Variants in KCNIP4 observed in about 807,000 individuals in gnomAD.
KCNIP4 encodes the protein potassium voltage-gated channel interacting protein 4, also known as Kv channel-interacting protein 4.
In KCNIP4, 12 loss-of-function variants were observed where a neutral mutation model predicts 34.0. The observed-to-expected ratio is 0.35, with a 90% confidence interval of 0.23 to 0.57. The LOEUF is 0.57. Ranked by LOEUF, KCNIP4 falls within the 20% of genes least tolerant of loss-of-function variation. The pLI, the probability that KCNIP4 is intolerant of heterozygous loss-of-function variation, is 0.83. For missense variants in KCNIP4, 238 were observed against 311.7 expected, an observed-to-expected ratio of 0.76 and a Z score of 1.78; for synonymous variants, 124 against 102.2, an observed-to-expected ratio of 1.21 and a Z score of -1.29.
At chr4:21,924,569 C>T (rs1729127732) in intron 1 of KCNIP4, among the ~76,000 whole-genome samples, 1 of 152,060 alleles carries the variant, frequency 6.6e-6, no homozygotes, top group African/African-American at 2.4e-5. Context: ...AATTCAGCCA[C>T]ATGGTCTTTG....
chr4:21,343,668 G>C (rs533231901), intron 1 of KCNIP4, among the ~76,000 whole-genome samples: 1 of 152,130 alleles, frequency 6.6e-6, no homozygotes, highest in East Asian at 1.9e-4. Context: ...AATTACCTAG[G>C]AATCACAAAA....
intron 1 of KCNIP4, among the ~76,000 whole-genome samples, chr4:21,736,929 A>C (rs1716030988): frequency 6.6e-6 from 1 of 152,196 alleles, no homozygotes; most frequent in African/African-American, 2.4e-5. Flanking sequence ...GATTTTAATT[A>C]AGATTGTATC....
chr4:21,663,668 G>C (rs895168363), intron 1 of KCNIP4, among the ~76,000 whole-genome samples: 3 of 152,090 alleles, frequency 2.0e-5, no homozygotes, highest in Non-Finnish European at 4.4e-5. Flanking sequence ...ACTGATTCTT[G>C]AAAGGTCCTG....
chr4:21,575,117 C>T (rs1740654790), intron 1 of KCNIP4, among the ~76,000 whole-genome samples: 1 of 152,136 alleles, frequency 6.6e-6, no homozygotes, highest in Admixed American at 6.5e-5. Flanking sequence ...ATGCTGACTC[C>T]AGCCTCTGTG....
intron 1 of KCNIP4, among the ~76,000 whole-genome samples, chr4:21,527,906 T>C (rs143373817): frequency 6.6e-6 from 1 of 152,180 alleles, no homozygotes; most frequent in Non-Finnish European, 1.5e-5. Context: ...CTTCTATTTA[T>C]GTTTGCTGTT....
intron 1 of KCNIP4, among the ~76,000 whole-genome samples, chr4:21,352,108 T>A (rs1199810824): frequency 6.6e-6 from 1 of 152,182 alleles, no homozygotes; most frequent in Non-Finnish European, 1.5e-5. Context: ...ATATTTTATC[T>A]TGTTTTATTG....
At chr4:20,823,550 T>TA (rs1717366496) in intron 3 of KCNIP4, among the ~76,000 whole-genome samples, 2 of 151,984 alleles carry the variant, frequency 1.3e-5, no homozygotes, top group Non-Finnish European at 2.9e-5. Context: ...AGTGCAGTTA[T>TA]AAAAAGACAC....
Position 21,396,549 on chromosome 4 carries a change from CAAAAAAAA to C in KCNIP4, c.62-513848_62-513841del, listed in dbSNP as rs555585102. 2.3e-4 allele frequency among the ~76,000 whole-genome samples: 12 copies of C among 52,790 alleles called. No homozygotes were observed. In the Admixed American group the frequency reaches 2.8e-3, roughly 12 times the overall value. 34.6% of individuals were successfully genotyped at this position (52,790 alleles called of 152,430 possible). On this transcript the variant is annotated intron_variant, in intron 1 of 8. Transcript: ENST00000382152. ...CCAGCCTGGTGACAGAGCAAGACTCCAAAAAAAAAAAAAAAAAAAGAGGATTCTGATAT... is the reference window on the plus strand; with the variant it reads ...CCAGCCTGGTGACAGAGCAAGACTCCAAAAAAAAAAAGAGGATTCTGATAT...
chr4:20,788,512 A>C (rs1712303390), intron 3 of KCNIP4, among the ~76,000 whole-genome samples: 1 of 152,184 alleles, frequency 6.6e-6, no homozygotes, highest in Non-Finnish European at 1.5e-5. Context: ...GAGTTAGCTC[A>C]GAGAAAACAG....
chr4:21,712,005 C>A (rs76627663), intron 1 of KCNIP4, among the ~76,000 whole-genome samples: 2,109 of 152,172 alleles, frequency 0.014, 52 homozygotes, highest in African/African-American at 0.041. Context: ...TTGCCTGACC[C>A]CAAACCTGTG....
chr4:21,422,948 C>T (rs1028253519), intron 1 of KCNIP4, among the ~76,000 whole-genome samples: 11 of 152,172 alleles, frequency 7.2e-5, no homozygotes, highest in Admixed American at 6.5e-5. Context: ...CAGGAACTTA[C>T]TACCATATCT....
chr4:21,802,554 A>G (rs1207685271), intron 1 of KCNIP4, among the ~76,000 whole-genome samples: 2 of 152,224 alleles, frequency 1.3e-5, no homozygotes, highest in Non-Finnish European at 2.9e-5. Context: ...ACATCATAAT[A>G]GAAACAGATC....
chr4:21,892,550 T>TA (rs35105632), intron 1 of KCNIP4, among the ~76,000 whole-genome samples: 6,448 of 126,338 alleles, frequency 0.051, 492 homozygotes, highest in African/African-American at 0.17. Flanking sequence ...AGCAAAAAAG[T>TA]AAAAAAAAAA....
At chr4:21,747,068 G>A (rs1440411114) in intron 1 of KCNIP4, among the ~76,000 whole-genome samples, 3 of 152,096 alleles carry the variant, frequency 2.0e-5, no homozygotes, top group African/African-American at 2.4e-5. Context: ...TCTATTAAGC[G>A]TAGCTCAACA....
At chr4:21,409,515 T>TA (rs993276766) in intron 1 of KCNIP4, among the ~76,000 whole-genome samples, 27 of 151,642 alleles carry the variant, frequency 1.8e-4, no homozygotes, top group Admixed American at 5.3e-4. Context: ...TTAAAATAGG[T>TA]AAAAAAAATA....
intron 1 of KCNIP4, among the ~76,000 whole-genome samples, chr4:21,718,217 C>A (rs1714533578): frequency 6.6e-6 from 1 of 152,144 alleles, no homozygotes; most frequent in African/African-American, 2.4e-5. Context: ...GAAATAGTTT[C>A]AACTCATCTG....
At chr4:21,264,355 C>G (rs772437253) in intron 1 of KCNIP4, among the ~76,000 whole-genome samples, 10 of 151,998 alleles carry the variant, frequency 6.6e-5, no homozygotes, top group Non-Finnish European at 1.2e-4. Flanking sequence ...GCACTTGATA[C>G]AAGAAAGACA....
At chr4:21,587,711 C>T (rs557508051) in intron 1 of KCNIP4, among the ~76,000 whole-genome samples, 7 of 152,156 alleles carry the variant, frequency 4.6e-5, no homozygotes, top group African/African-American at 1.7e-4. Context: ...ATAGGAATGA[C>T]CAAGAGAACC....
rs187428999 is a variant in KCNIP4, at chr4:21,084,611, G to A, written c.62-201902C>T. Among the ~76,000 whole-genome samples the A allele has an allele frequency of 3.4e-5, 5 of 149,140 alleles. No individual in the cohort carries two copies. The East Asian group carries it at 9.8e-4, about 29-fold the overall frequency. On this transcript the variant is annotated intron_variant, in intron 1 of 8. Transcript: ENST00000382152. ...ATACAGTCAAAGTCCATTCTTACTA[G>A]CTGGTACCTTGCAGGACCAGTTGTC...
Sources: allele counts gnomAD v4.1 joint callset (sites outside exome capture counted in the v4.1 genomes callset), GRCh38; gene constraint gnomAD v4.1.1; transcripts MANE v1.5; gene names NCBI Gene and HGNC (gene_info 2026-07-23, HGNC 2026-07-21).